The following SNX29 variants were observed in gnomAD, a reference collection of about 807,000 sequenced individuals.
The protein encoded by SNX29 is sorting nexin 29.
A neutral mutation model predicts 102.1 loss-of-function variants in SNX29; 78 were observed. The ratio of observed to expected loss-of-function variants is 0.76; its 90% CI spans 0.64 to 0.92. The LOEUF is 0.92. Among genes scored for constraint, SNX29 ranks in the 40% least tolerant of loss-of-function variants. The pLI, the probability that SNX29 is intolerant of heterozygous loss-of-function variation, is 0.00. For missense variants in SNX29, 1,280 were observed against 1,061.7 expected (o/e 1.21, Z -2.86); for synonymous variants, 580 against 414.5 (o/e 1.40, Z -4.85).
intron 20 of SNX29, among the ~76,000 whole-genome samples, chr16:12,559,894 G>C (rs184798361): frequency 1.3e-5 from 2 of 152,264 alleles, no homozygotes; most frequent in Non-Finnish European, 2.9e-5. Context: ...CAGGAGAATG[G>C]CATGAATGCA....
chr16:12,422,310 A>G (rs2084905365), intron 18 of SNX29, among the ~76,000 whole-genome samples: 1 of 152,192 alleles, frequency 6.6e-6, no homozygotes, highest in African/African-American at 2.4e-5. Flanking sequence ...GCAGAGAGGA[A>G]TCAGAGCTGT....
chr16:12,166,067 G>C (rs1288694617), intron 13 of SNX29, among the ~76,000 whole-genome samples: 1 of 152,216 alleles, frequency 6.6e-6, no homozygotes, highest in African/African-American at 2.4e-5. Context: ...ATCTATTCAT[G>C]GTAGTAGTAT....
At chr16:12,037,684 G>T (rs748862861) in intron 4 of SNX29, among the ~76,000 whole-genome samples, 2 of 151,868 alleles carry the variant, frequency 1.3e-5, no homozygotes, top group Non-Finnish European at 2.9e-5. Context: ...AGGCTCAGTG[G>T]TTTACGCCTG....
intron 18 of SNX29, among the ~76,000 whole-genome samples, chr16:12,449,576 G>A (rs1473964869): frequency 7.2e-5 from 11 of 152,194 alleles, no homozygotes; most frequent in Admixed American, 5.2e-4. Context: ...TGCAGGCACG[G>A]GTTGATCAGG....
intron 18 of SNX29, among the ~76,000 whole-genome samples, chr16:12,436,517 C>T (rs539759659): frequency 1.3e-5 from 2 of 152,256 alleles, no homozygotes; most frequent in South Asian, 4.1e-4. Context: ...CATTCATACC[C>T]CTGACTGCTC....
intron 11 of SNX29, among the ~76,000 whole-genome samples, chr16:12,113,871 C>T (rs1283476617): frequency 6.6e-6 from 1 of 152,214 alleles, no homozygotes; most frequent in East Asian, 1.9e-4. Flanking sequence ...ACTGGTAGGG[C>T]TCATCTGCTA....
intron 20 of SNX29, among the ~76,000 whole-genome samples, chr16:12,555,968 G>A (rs140483208): frequency 5.0e-4 from 75 of 150,290 alleles, no homozygotes; most frequent in African/African-American, 1.2e-3. Flanking sequence ...CACCATCTGC[G>A]TGGCTTTCAA....
At chr16:11,985,405 A>T (rs2055575853) in intron 1 of SNX29, among the ~76,000 whole-genome samples, 1 of 152,232 alleles carries the variant, frequency 6.6e-6, no homozygotes, top group Non-Finnish European at 1.5e-5. Context: ...TGATTTCAAC[A>T]GCATGGGAAT....
intron 18 of SNX29, among the ~76,000 whole-genome samples, chr16:12,426,250 C>T (rs1316795920): frequency 2.6e-5 from 4 of 152,180 alleles, no homozygotes; most frequent in African/African-American, 9.6e-5. Flanking sequence ...CATCATGGGT[C>T]AGCTGTGGCC....
chr16:12,066,963 A>C (rs1412728736), intron 9 of SNX29, among the ~76,000 whole-genome samples: 1 of 151,100 alleles, frequency 6.6e-6, no homozygotes, highest in African/African-American at 2.4e-5. Flanking sequence ...TGGGCAACAT[A>C]GTGAGACCGT....
chr16:12,019,636 A>T (rs1034929485), intron 3 of SNX29, among the ~76,000 whole-genome samples: 3 of 150,654 alleles, frequency 2.0e-5, no homozygotes, highest in African/African-American at 7.3e-5. Context: ...ATAGATATAT[A>T]ATTTTTTTTT....
At chr16:12,164,844 T>A (rs1596400036) in intron 13 of SNX29, among the ~76,000 whole-genome samples, 1 of 152,034 alleles carries the variant, frequency 6.6e-6, no homozygotes, top group East Asian at 1.9e-4. Context: ...CCCACCACCA[T>A]GCCCAGCTAA....
Position 12,553,311 on chromosome 16 carries a change from T to C in SNX29, c.2319-15195T>C, listed in dbSNP as rs141724694. ...AGGAAAATGAGTGGGCACCTGGCCC[T>C]GGGAAACGCCCTAACAAGGCAGGCA... is the stretch of plus-strand genomic sequence containing the variant. On this transcript the variant is annotated intron_variant, in intron 20 of 20. Coordinates refer to ENST00000566228, the MANE Select transcript of SNX29 (RefSeq NM_032167.5). 9.2e-3 allele frequency among the ~76,000 whole-genome samples: 1,404 copies of C among 152,326 alleles called. 12 individuals carry two copies. Among genetic ancestry groups the C allele is most frequent in the Middle Eastern group, 0.041 (12 of 294 alleles).
chr16:12,087,635 A>G (rs1434351693), intron 11 of SNX29: 1 of 359,062 alleles, frequency 2.8e-6, no homozygotes, highest in Non-Finnish European at 5.5e-6. Flanking sequence ...ATTAGATGGT[A>G]AAGCAGCCGT....
chr16:12,552,418 C>T (rs567197312), intron 20 of SNX29, among the ~76,000 whole-genome samples: 5 of 152,324 alleles, frequency 3.3e-5, no homozygotes, highest in African/African-American at 1.2e-4. Flanking sequence ...AGGACGTGGT[C>T]AGTTCTTTTG....
chr16:12,272,431 T>G (rs2079117869), intron 14 of SNX29, among the ~76,000 whole-genome samples: 2 of 152,190 alleles, frequency 1.3e-5, no homozygotes. Context: ...ATTTTGCGTA[T>G]GTATTAGCAC....
intron 20 of SNX29, among the ~76,000 whole-genome samples, chr16:12,560,168 CT>C (rs779079143): frequency 6.4e-5 from 9 of 140,892 alleles, no homozygotes; most frequent in African/African-American, 2.2e-4. Flanking sequence ...GCCTTTCTCA[CT>C]TTTTTTTAAT....
intron 20 of SNX29, among the ~76,000 whole-genome samples, chr16:12,553,353 T>C (rs867209992): frequency 1.3e-5 from 2 of 152,234 alleles, no homozygotes; most frequent in African/African-American, 4.8e-5. Context: ...CCAGCTCGTC[T>C]TCTCAGAGCT....
intron 16 of SNX29, among the ~76,000 whole-genome samples, chr16:12,380,459 T>TCCATCCAC: frequency 2.0e-5 from 1 of 49,552 alleles, no homozygotes; most frequent in Admixed American, 2.2e-4. Flanking sequence ...CCACCATCCA[T>TCCATCCAC]CCACCCACCA....
Sources: gnomAD v4.1 joint callset for allele counts (sites outside exome capture counted in the v4.1 genomes callset) on GRCh38, gnomAD v4.1.1 for gene constraint, MANE v1.5 for transcripts, NCBI Gene and HGNC (gene_info 2026-07-23, HGNC 2026-07-21) for gene names.